The following UBE2H variants were observed in gnomAD, a reference collection of about 807,000 sequenced individuals.
UBE2H encodes the protein ubiquitin conjugating enzyme E2 H, also known as ubiquitin-conjugating enzyme E2 H.
Under a neutral mutation model 29.0 loss-of-function variants are expected in UBE2H, and 3 were observed. The ratio of observed to expected loss-of-function variants is 0.10; its 90% CI spans 0.05 to 0.27. UBE2H has a LOEUF of 0.27. Ranked by LOEUF, UBE2H falls within the 10% of genes least tolerant of loss-of-function variation. The pLI is 1.00. For missense variants in UBE2H, 68 were observed against 228.2 expected, an observed-to-expected ratio of 0.30 and a Z score of 4.52; for synonymous variants, 69 against 82.9, an observed-to-expected ratio of 0.83 and a Z score of 0.91.
intron 1 of UBE2H, among the ~76,000 whole-genome samples, chr7:129,890,344 T>C (rs907132223): frequency 4.6e-5 from 7 of 151,766 alleles, no homozygotes; most frequent in South Asian, 4.2e-4. Context: ...TGTATATATA[T>C]GTATGTATAT....
intron 1 of UBE2H, among the ~76,000 whole-genome samples, chr7:129,928,434 C>T (rs572361775): frequency 7.9e-5 from 12 of 152,244 alleles, no homozygotes; most frequent in African/African-American, 2.9e-4. Context: ...GAAACCTCGT[C>T]TCTACTAAAA....
At chr7:129,948,734 G>C (rs1038821383) in intron 1 of UBE2H, among the ~76,000 whole-genome samples, 11 of 152,208 alleles carry the variant, frequency 7.2e-5, no homozygotes, top group African/African-American at 2.4e-4. Context: ...TCTTGGTATT[G>C]TAAGTTACAA....
intron 5 of UBE2H, chr7:129,857,115 CTTACTA>C (rs1391493947): frequency 2.8e-4 from 45 of 161,806 alleles, no homozygotes; most frequent in Admixed American, 1.7e-3. Context: ...CCTAAAACCT[CTTACTA>C]TATCATTGCT....
chr7:129,876,989 A>G (rs770566394), intron 3 of UBE2H, among the ~76,000 whole-genome samples: 2 of 152,194 alleles, frequency 1.3e-5, no homozygotes, highest in Non-Finnish European at 2.9e-5. Flanking sequence ...TTCAGAGAGA[A>G]ATGTCTTAAA....
intron 1 of UBE2H, among the ~76,000 whole-genome samples, chr7:129,934,664 C>T (rs1478378254): frequency 1.6e-5 from 2 of 127,946 alleles, no homozygotes; most frequent in African/African-American, 5.7e-5. Context: ...AAAAAAAAAG[C>T]TGAAATAAAA....
At chr7:129,849,266 AAAGT>A (rs1332357081) in intron 5 of UBE2H, among the ~76,000 whole-genome samples, 2 of 152,318 alleles carry the variant, frequency 1.3e-5, no homozygotes, top group East Asian at 3.9e-4. Flanking sequence ...TTTGAGATTA[AAAGT>A]AATATTCTCT....
At chr7:129,875,086 C>T (rs890353181) in intron 3 of UBE2H, among the ~76,000 whole-genome samples, 4 of 152,074 alleles carry the variant, frequency 2.6e-5, no homozygotes, top group African/African-American at 7.2e-5. Context: ...GACAATGATA[C>T]AGACAGGACA....
intron 3 of UBE2H, among the ~76,000 whole-genome samples, chr7:129,869,569 C>T (rs534241354): frequency 1.3e-5 from 2 of 152,330 alleles, no homozygotes; most frequent in South Asian, 4.1e-4. Context: ...AATCCCCTGT[C>T]CTCTCCCCTC....
chr7:129,906,118 C>A (rs955223923), intron 1 of UBE2H, among the ~76,000 whole-genome samples: 1 of 151,756 alleles, frequency 6.6e-6, no homozygotes, highest in Non-Finnish European at 1.5e-5. Flanking sequence ...CACATTCAGG[C>A]AATAATAGAT....
rs1454469048 is a variant in UBE2H at position 129,834,641 on chromosome 7, C to T, written c.*296G>A. The T allele has an allele frequency of 8.8e-6, 2 of 227,892 alleles. No individual in the cohort carries two copies. The highest frequency in any genetic ancestry group is 1.7e-5 in the Non-Finnish European group (2 of 117,112). 14.1% of individuals were successfully genotyped at this position (227,892 alleles called of 1,614,324 possible). ...ATCTACCTATCAGAGCGGCTATTTC[C>T]TTCGACAGTTCAGTAGCACACAGGC... is the stretch of plus-strand genomic sequence containing the variant. On this transcript the variant is annotated 3_prime_UTR_variant, in exon 7 of 7. Transcript: ENST00000355621.
At position 129,948,106 on chromosome 7, in the gene UBE2H, C is replaced by T. The variant is rs527746549; in HGVS notation, c.53+4397G>A. On this transcript the variant is annotated intron_variant, in intron 1 of 6. Coordinates refer to ENST00000355621, the MANE Select transcript of UBE2H (RefSeq NM_003344.4). ...AACTCCTGACCTCAGGTGATCTGCCCGCCTTGGCCTCCCAAAGTGCTGGGA... is the reference window on the plus strand; with the variant it reads ...AACTCCTGACCTCAGGTGATCTGCCTGCCTTGGCCTCCCAAAGTGCTGGGA... Among the ~76,000 whole-genome samples, 26 of 151,986 alleles carry T rather than the reference C, an allele frequency of 1.7e-4. 1 individual carries two copies. The highest frequency in any genetic ancestry group is 1.0e-3 in the Admixed American group (16 of 15,248).
intron 1 of UBE2H, among the ~76,000 whole-genome samples, chr7:129,931,836 C>CTTTTTTTTT: frequency 7.6e-6 from 1 of 131,310 alleles, no homozygotes; most frequent in Non-Finnish European, 1.6e-5. Flanking sequence ...TTCTACTTTG[C>CTTTTTTTTT]TTTTTTTTTT....
chr7:129,888,721 C>T (rs780524466), intron 1 of UBE2H, among the ~76,000 whole-genome samples: 8 of 152,110 alleles, frequency 5.3e-5, no homozygotes, highest in East Asian at 1.9e-4. Flanking sequence ...GTGATCCGTT[C>T]GCCTCAGCCT....
chr7:129,944,816 C>T (rs1323520532), intron 1 of UBE2H, among the ~76,000 whole-genome samples: 2 of 151,570 alleles, frequency 1.3e-5, no homozygotes, highest in Admixed American at 6.6e-5. Flanking sequence ...GAAAAAAAAG[C>T]GTATATCCAT....
chr7:129,850,444 A>C (rs948256022), intron 5 of UBE2H, among the ~76,000 whole-genome samples: 1 of 152,224 alleles, frequency 6.6e-6, no homozygotes, highest in Admixed American at 6.5e-5. Flanking sequence ...TTTAAATCTC[A>C]GTAGTAGCAT....
intron 3 of UBE2H, among the ~76,000 whole-genome samples, chr7:129,878,550 G>A (rs1806191639): frequency 6.6e-6 from 1 of 152,052 alleles, no homozygotes; most frequent in African/African-American, 2.4e-5. Flanking sequence ...GGGTGTGGTG[G>A]CAGGCACCTG....
At chr7:129,912,121 C>G (rs1050970107) in intron 1 of UBE2H, among the ~76,000 whole-genome samples, 1 of 152,108 alleles carries the variant, frequency 6.6e-6, no homozygotes, top group Non-Finnish European at 1.5e-5. Flanking sequence ...TAGGGCCCAC[C>G]CCCTGTTTTT....
rs139059150 is a variant in UBE2H, at chr7:129,865,319, C to G, written c.206-6378G>C. On this transcript the variant is annotated intron_variant, in intron 3 of 6. Transcript: ENST00000355621. The stretch of plus-strand genomic sequence containing the variant: ...GTCCAGTCCCAGGAAGGGGTCTATA[C>G]AGAGTTGCACACACTTCTGAGTAAC... Among the ~76,000 whole-genome samples, 17 of 152,264 alleles carry G rather than the reference C, an allele frequency of 1.1e-4. No individual in the cohort carries two copies. In the East Asian group the frequency reaches 3.1e-3, roughly 28 times the overall value.
intron 5 of UBE2H, 89 bp from the exon 6 acceptor site, chr7:129,839,424 T>TA (rs1309992923): frequency 3.8e-6 from 6 of 1,567,508 alleles, no homozygotes; most frequent in Non-Finnish European, 5.2e-6. Context: ...CTTACCTTCT[T>TA]AGATATTCAC....
Sources: allele counts gnomAD v4.1 joint callset (sites outside exome capture counted in the v4.1 genomes callset), GRCh38; gene constraint gnomAD v4.1.1; transcripts MANE v1.5; gene names NCBI Gene and HGNC (gene_info 2026-07-23, HGNC 2026-07-21).